EXOC2: variants seen among roughly 807,000 people sequenced by gnomAD.
EXOC2 encodes exocyst complex component 2, also known as SEC5-like 1.
A neutral mutation model predicts 131.8 loss-of-function variants in EXOC2; 70 were observed. The ratio of observed to expected loss-of-function variants is 0.53; its 90% CI spans 0.44 to 0.65. The LOEUF (loss-of-function observed/expected upper bound fraction) is 0.65, where lower values mean the gene tolerates loss of function less well. Ranked by LOEUF, EXOC2 falls within the 30% of genes least tolerant of loss-of-function variation. The pLI, the probability that EXOC2 is intolerant of heterozygous loss-of-function variation, is 0.00. For missense variants in EXOC2, 923 were observed against 1,108.6 expected, an observed-to-expected ratio of 0.83 and a Z score of 2.38; for synonymous variants, 411 against 398.4, an observed-to-expected ratio of 1.03 and a Z score of -0.38.
chr6:559,951 C>T (rs1757616556), intron 17 of EXOC2, among the ~76,000 whole-genome samples: 1 of 152,154 alleles, frequency 6.6e-6, no homozygotes, highest in Admixed American at 6.5e-5. Context: ...TGACTTGAGG[C>T]AGGTATGTCT....
chr6:604,480 A>G (rs1247481308), intron 7 of EXOC2, among the ~76,000 whole-genome samples: 2 of 152,016 alleles, frequency 1.3e-5, no homozygotes, highest in Admixed American at 1.3e-4. Context: ...CTTCTCGTCC[A>G]TTCTCTATAC....
chr6:610,607 C>T (rs1018681377), intron 6 of EXOC2, among the ~76,000 whole-genome samples: 2 of 152,142 alleles, frequency 1.3e-5, no homozygotes, highest in African/African-American at 4.8e-5. Flanking sequence ...GGATGTTCAA[C>T]CAGTAACTAG....
intron 7 of EXOC2, among the ~76,000 whole-genome samples, chr6:603,108 T>C (rs1025251807): frequency 9.2e-5 from 14 of 152,202 alleles, no homozygotes; most frequent in African/African-American, 3.4e-4. Flanking sequence ...ACGGAAGTGA[T>C]TTCTAATCTG....
At chr6:541,229 A>G (rs967074217) in intron 22 of EXOC2, among the ~76,000 whole-genome samples, 1 of 152,234 alleles carries the variant, frequency 6.6e-6, no homozygotes, top group African/African-American at 2.4e-5. Context: ...TCATACTTCT[A>G]GCCAAGACTA....
In EXOC2 at chr6:599,070, T is replaced by C. The variant is rs1314990086; in HGVS notation, c.888+10A>G. The C allele has an allele frequency of 1.9e-6, 3 of 1,602,060 alleles. No homozygotes were observed. The highest frequency in any genetic ancestry group is 2.6e-6 in the Non-Finnish European group (3 of 1,173,622). ...ACAACCATATGTAAATAAATAAACA[T>C]GTACTCTACCTTTTGAATATTCCTT... On this transcript the variant is annotated intron_variant, in intron 8 of 27. Coordinates refer to ENST00000230449, the MANE Select transcript of EXOC2 (RefSeq NM_018303.6).
intron 17 of EXOC2, among the ~76,000 whole-genome samples, chr6:561,914 AC>A (rs1757720368): frequency 1.3e-5 from 2 of 152,182 alleles, no homozygotes; most frequent in African/African-American, 4.8e-5. Context: ...AAGACAGAAA[AC>A]AGGAGCAGCC....
intron 23 of EXOC2, among the ~76,000 whole-genome samples, chr6:518,761 A>G (rs1316123544): frequency 1.3e-5 from 2 of 152,252 alleles, no homozygotes; most frequent in Non-Finnish European, 2.9e-5. Flanking sequence ...TCTTAAAAAA[A>G]GATGACCAAT....
At chr6:562,180 C>A (rs929890059) in intron 17 of EXOC2, among the ~76,000 whole-genome samples, 4 of 152,254 alleles carry the variant, frequency 2.6e-5, no homozygotes, top group Admixed American at 2.6e-4. Flanking sequence ...AGACAGAAGT[C>A]CCCCCCTGGT....
At chr6:643,610 A>G (rs4959362) in intron 1 of EXOC2, among the ~76,000 whole-genome samples, 1 of 53,136 alleles carries the variant, frequency 1.9e-5, no homozygotes, top group Non-Finnish European at 5.0e-5. Flanking sequence ...TCCACCTTTT[A>G]AAAAAAAAAC....
At chr6:638,208 C>T (rs1012021104) in intron 1 of EXOC2, among the ~76,000 whole-genome samples, 1 of 152,150 alleles carries the variant, frequency 6.6e-6, no homozygotes, top group East Asian at 1.9e-4. Context: ...ACTGTTCTAC[C>T]CCCAGGGCTG....
intron 17 of EXOC2, 59 bp downstream of exon 17, chr6:562,725 T>A (rs1344394103): frequency 8.2e-7 from 1 of 1,217,206 alleles, no homozygotes; most frequent in Non-Finnish European, 1.1e-6. Context: ...ATTAATATGA[T>A]AAACTATTTA....
chr6:552,827 G>A (rs979430003), intron 21 of EXOC2, among the ~76,000 whole-genome samples: 1 of 151,516 alleles, frequency 6.6e-6, no homozygotes, highest in Non-Finnish European at 1.5e-5. Context: ...AGAACATTTG[G>A]GTCAAACAGT....
chr6:685,095 T>C (rs1211230223), intron 1 of EXOC2, among the ~76,000 whole-genome samples: 2 of 151,780 alleles, frequency 1.3e-5, no homozygotes, highest in African/African-American at 2.4e-5. Context: ...GATCAGACTA[T>C]AGAAAGGTGA....
At chr6:639,864 G>C (rs1407609005) in intron 1 of EXOC2, among the ~76,000 whole-genome samples, 1 of 152,164 alleles carries the variant, frequency 6.6e-6, no homozygotes, top group African/African-American at 2.4e-5. Context: ...AATGTGCATG[G>C]ACTCGCAGGA....
intron 23 of EXOC2, among the ~76,000 whole-genome samples, chr6:525,988 T>A (rs1420849813): frequency 6.6e-6 from 1 of 152,236 alleles, no homozygotes; most frequent in Non-Finnish European, 1.5e-5. Flanking sequence ...CTGATGGGCA[T>A]TTAGTTTTTC....
chr6:566,080 A>G (rs1171232650), intron 13 of EXOC2, among the ~76,000 whole-genome samples: 1 of 152,178 alleles, frequency 6.6e-6, no homozygotes. Context: ...TCTTTGTAGA[A>G]ATATGTTTTT....
intron 11 of EXOC2, among the ~76,000 whole-genome samples, chr6:587,267 C>T (rs190859844): frequency 1.4e-3 from 199 of 145,946 alleles, no homozygotes; most frequent in African/African-American, 4.3e-3. Flanking sequence ...TTTTTTGAGA[C>T]GGAGTCTTGC....
intron 4 of EXOC2, among the ~76,000 whole-genome samples, chr6:624,307 G>T (rs994632676): frequency 6.6e-6 from 1 of 152,162 alleles, no homozygotes; most frequent in Non-Finnish European, 1.5e-5. Flanking sequence ...GTTCAATCTC[G>T]ATGTTTGCTC....
At chr6:663,564 C>T (rs1211242) in intron 1 of EXOC2, among the ~76,000 whole-genome samples, 13,663 of 152,072 alleles carry the variant, frequency 0.09, 697 homozygotes, top group Admixed American at 0.13. Flanking sequence ...CTGAATCCAG[C>T]GACATATCAA....
Sources: allele counts gnomAD v4.1 joint callset (sites outside exome capture counted in the v4.1 genomes callset), GRCh38; gene constraint gnomAD v4.1.1; transcripts MANE v1.5; gene names NCBI Gene and HGNC (gene_info 2026-07-23, HGNC 2026-07-21).